The following RBM6 variants were observed in gnomAD, a reference collection of about 807,000 sequenced individuals.
The protein encoded by RBM6 is RNA-binding protein 6.
In RBM6, 23 loss-of-function variants were observed where a neutral mutation model predicts 140.4. The ratio of observed to expected loss-of-function variants is 0.16; its 90% confidence interval spans 0.12 to 0.23. The LOEUF is 0.23. Among genes scored for constraint, RBM6 ranks in the 10% least tolerant of loss-of-function variants. The pLI, the probability that RBM6 is intolerant of heterozygous loss-of-function variation, is 1.00. For synonymous variants in RBM6, 439 were observed against 475.6 expected (o/e 0.92, Z 1.00); for missense variants, 1,139 against 1,386.7 (o/e 0.82, Z 2.84).
At chr3:49,943,180 T>C (rs2083357960) in intron 1 of RBM6, among the ~76,000 whole-genome samples, 1 of 152,242 alleles carries the variant, frequency 6.6e-6, no homozygotes, top group Non-Finnish European at 1.5e-5. Flanking sequence ...CTTTTGACTA[T>C]TGTAAATAAT....
chr3:50,057,673 T>C, intron 8 of RBM6, 55 bp from the exon 9 acceptor site: 1 of 1,206,610 alleles, frequency 8.3e-7, no homozygotes, highest in Admixed American at 2.7e-5. Context: ...GTTTTTTCTT[T>C]TTTTTTTTTT....
intron 19 of RBM6, among the ~76,000 whole-genome samples, chr3:50,072,447 G>T (rs1575889972): frequency 6.6e-6 from 1 of 151,856 alleles, no homozygotes; most frequent in Non-Finnish European, 1.5e-5. Context: ...GGAAAAGTGG[G>T]TAACAAGTGG....
At chr3:50,028,501 A>C (rs1189815704) in intron 6 of RBM6, among the ~76,000 whole-genome samples, 2 of 152,178 alleles carry the variant, frequency 1.3e-5, no homozygotes, top group African/African-American at 2.4e-5. Context: ...TTCCTAGTAA[A>C]ATACTTCTTG....
At chr3:49,962,312 G>A (rs1218640675) in intron 1 of RBM6, among the ~76,000 whole-genome samples, 8 of 148,924 alleles carry the variant, frequency 5.4e-5, no homozygotes, top group African/African-American at 1.5e-4. Context: ...GGTGGCGGGC[G>A]CCTGTAGTCC....
chr3:50,007,903 A>G (rs1372312805), intron 6 of RBM6, among the ~76,000 whole-genome samples: 1 of 152,202 alleles, frequency 6.6e-6, no homozygotes, highest in Non-Finnish European at 1.5e-5. Context: ...TGTTTAGGCC[A>G]TGTAGGAAAT....
rs554989247 is a variant in RBM6 at position 49,966,032 on chromosome 3, A to G, written c.45-1438A>G. On this transcript the variant is annotated intron_variant, in intron 2 of 20. Coordinates refer to ENST00000266022, the MANE Select transcript of RBM6 (RefSeq NM_005777.3). ...TCCCAGCTACTCTGGAGGCTGAGGC[A>G]TGAGAATTGCTTGAACCCAGGAGGC... Among the ~76,000 whole-genome samples, 3 of 152,246 alleles carry G rather than the reference A, an allele frequency of 2.0e-5. No homozygotes were observed. In the East Asian group the frequency reaches 5.8e-4, roughly 30 times the overall value.
intron 1 of RBM6, among the ~76,000 whole-genome samples, chr3:49,947,505 C>T (rs1286518686): frequency 1.3e-5 from 2 of 151,942 alleles, no homozygotes; most frequent in African/African-American, 4.8e-5. Flanking sequence ...ATATTAATTC[C>T]TTGTCAGATA....
At chr3:50,012,276 G>A (rs2086884137) in intron 6 of RBM6, among the ~76,000 whole-genome samples, 1 of 151,910 alleles carries the variant, frequency 6.6e-6, no homozygotes, top group Admixed American at 6.6e-5. Context: ...TTGAACTCCT[G>A]GTTTCAAGTG....
chr3:49,975,542 G>T, intron 5 of RBM6, 150 bp downstream of exon 5: 1 of 665,442 alleles, frequency 1.5e-6, no homozygotes. Flanking sequence ...ACCAGCTTTA[G>T]TTTTAGCTGT....
chr3:50,053,296 C>A (rs1489080795), intron 7 of RBM6, among the ~76,000 whole-genome samples: 2 of 152,132 alleles, frequency 1.3e-5, no homozygotes, highest in East Asian at 1.9e-4. Flanking sequence ...ATTTGGGAGG[C>A]CGAGGCGGGC....
chr3:49,992,139 TA>T (rs1414273242), intron 5 of RBM6, among the ~76,000 whole-genome samples: 3 of 151,916 alleles, frequency 2.0e-5, no homozygotes, highest in African/African-American at 7.2e-5. Flanking sequence ...TTTGTAGAGA[TA>T]GTGTCCCAGT....
chr3:50,050,437 T>C (rs2089421488), intron 7 of RBM6, among the ~76,000 whole-genome samples: 1 of 152,192 alleles, frequency 6.6e-6, no homozygotes, highest in East Asian at 1.9e-4. Context: ...TCACATTTTG[T>C]TCATCCATTC....
chr3:50,006,510 C>T (rs549356294), intron 6 of RBM6, among the ~76,000 whole-genome samples: 3 of 152,064 alleles, frequency 2.0e-5, no homozygotes, highest in Non-Finnish European at 2.9e-5. Context: ...AGCAGACTAC[C>T]GGGGGTTGCA....
chr3:50,043,030 A>T (rs1482023618), intron 6 of RBM6, among the ~76,000 whole-genome samples: 1 of 152,190 alleles, frequency 6.6e-6, no homozygotes, highest in Non-Finnish European at 1.5e-5. Context: ...TTGCAGCTTC[A>T]TATTAAGATT....
At chr3:50,074,481 C>T (rs1289342227) in intron 19 of RBM6, among the ~76,000 whole-genome samples, 1 of 151,988 alleles carries the variant, frequency 6.6e-6, no homozygotes, top group Non-Finnish European at 1.5e-5. Flanking sequence ...GCCACCACAC[C>T]CGGCTAATTT....
intron 3 of RBM6, among the ~76,000 whole-genome samples, chr3:49,970,370 G>T (rs2084734544): frequency 6.6e-6 from 1 of 152,178 alleles, no homozygotes; most frequent in African/African-American, 2.4e-5. Context: ...ATGAGCCACT[G>T]CCCCTACCCT....
At chr3:50,006,703 C>T (rs550380260) in intron 6 of RBM6, among the ~76,000 whole-genome samples, 11 of 151,230 alleles carry the variant, frequency 7.3e-5, no homozygotes, top group East Asian at 4.0e-4. Flanking sequence ...GAGGCCAAGA[C>T]GGGCGGATCA....
intron 2 of RBM6, among the ~76,000 whole-genome samples, chr3:49,964,612 C>T (rs928958926): frequency 2.6e-5 from 4 of 152,132 alleles, no homozygotes; most frequent in African/African-American, 7.2e-5. Flanking sequence ...GATATGTTTA[C>T]GAACTGGCTC....
intron 1 of RBM6, among the ~76,000 whole-genome samples, chr3:49,946,389 C>T (rs535813101): frequency 2.0e-5 from 3 of 151,230 alleles, no homozygotes; most frequent in South Asian, 4.2e-4. Flanking sequence ...TACAGGCAGC[C>T]GCCACCGTGC....
Sources: allele counts gnomAD v4.1 joint callset (sites outside exome capture counted in the v4.1 genomes callset), GRCh38; gene constraint gnomAD v4.1.1; transcripts MANE v1.5; gene names NCBI Gene and HGNC (gene_info 2026-07-23, HGNC 2026-07-21).